Variants in SLC14A2 observed in about 807,000 individuals in gnomAD.
SLC14A2 encodes the protein solute carrier family 14 member 2.
SLC14A2 carries 91 observed loss-of-function variants against 104.6 expected under a neutral mutation model. The observed-to-expected ratio is 0.87, with a 90% CI of 0.73 to 1.04. The LOEUF (loss-of-function observed/expected upper bound fraction) is 1.04, where lower values mean the gene tolerates loss of function less well. SLC14A2 is among the 50% of genes least tolerant of loss of function. The pLI is 0.00. For synonymous variants in SLC14A2, 476 were observed against 466.4 expected (o/e 1.02, Z -0.27); for missense variants, 1,189 against 1,156.0 (o/e 1.03, Z -0.41).
chr18:45,217,091 T>C (rs2084017565), intron 1 of SLC14A2, among the ~76,000 whole-genome samples: 1 of 151,984 alleles, frequency 6.6e-6, no homozygotes. Flanking sequence ...TCTCTGTAGA[T>C]TCAAAACCCA....
intron 1 of SLC14A2, among the ~76,000 whole-genome samples, chr18:45,426,734 T>C (rs201164700): frequency 6.5e-4 from 75 of 115,884 alleles, no homozygotes; most frequent in African/African-American, 5.3e-4. Context: ...CACACACACA[T>C]ACATACACGC....
chr18:45,546,440 T>C (rs149281352), intron 2 of SLC14A2, among the ~76,000 whole-genome samples: 2 of 152,324 alleles, frequency 1.3e-5, no homozygotes, highest in African/African-American at 2.4e-5. Flanking sequence ...CGAAATTGAA[T>C]CTCTAGAGAC....
chr18:45,428,541 C>T (rs186947068), intron 1 of SLC14A2, among the ~76,000 whole-genome samples: 133 of 152,266 alleles, frequency 8.7e-4, no homozygotes, highest in East Asian at 1.2e-3. Context: ...TCCTTGAGGA[C>T]TGAAGAGGAG....
intron 2 of SLC14A2, among the ~76,000 whole-genome samples, chr18:45,506,405 G>T (rs1437853593): frequency 6.6e-6 from 1 of 152,116 alleles, no homozygotes; most frequent in Non-Finnish European, 1.5e-5. Context: ...AGCTGTAGTG[G>T]GTTGAATCGT....
chr18:45,643,106 C>T (rs982224993), intron 8 of SLC14A2, 26 bp from the exon 9 acceptor site: 2 of 1,613,444 alleles, frequency 1.2e-6, no homozygotes, highest in African/African-American at 2.7e-5. Flanking sequence ...GGGAAGCTCA[C>T]TCTGGTGATC....
In SLC14A2 at chr18:45,654,424, G is replaced by A. The variant is rs143425937; in HGVS notation, c.1352-9361G>A. On this transcript the variant is annotated intron_variant, in intron 10 of 19. Coordinates refer to ENST00000255226, the MANE Select transcript of SLC14A2 (RefSeq NM_007163.4). ...CGATGATCTAGATTCCTCCTACTGC[G>A]TGCAGGAAATCAAAAGGAGCCCAGG... 6.9e-3 allele frequency among the ~76,000 whole-genome samples: 1,056 copies of A among 152,228 alleles called. 11 individuals carry two copies. The highest frequency in any genetic ancestry group is 0.024 in the African/African-American group (1,007 of 41,512).
intron 10 of SLC14A2, among the ~76,000 whole-genome samples, chr18:45,654,144 GAC>G (rs1599128286): frequency 2.6e-5 from 4 of 151,308 alleles, no homozygotes; most frequent in South Asian, 2.1e-4. Flanking sequence ...TGCTGGGGGG[GAC>G]GTGGGTGAGC....
intron 2 of SLC14A2, among the ~76,000 whole-genome samples, chr18:45,552,432 AC>A (rs1356026105): frequency 1.1e-5 from 1 of 90,914 alleles, no homozygotes; most frequent in Non-Finnish European, 2.4e-5. Context: ...TTGCTCTCCC[AC>A]CCCCCAACCC....
At chr18:45,285,276 A>T (rs772896943) in intron 1 of SLC14A2, among the ~76,000 whole-genome samples, 2 of 152,172 alleles carry the variant, frequency 1.3e-5, no homozygotes, top group Non-Finnish European at 1.5e-5. Context: ...TTATTTTTTG[A>T]TATAAAAAAC....
chr18:45,666,290 G>GA (rs2046022835), intron 12 of SLC14A2, 71 bp downstream of exon 12: 8 of 1,035,124 alleles, frequency 7.7e-6, no homozygotes, highest in Non-Finnish European at 1.2e-5. Flanking sequence ...TGAGGGAGCT[G>GA]AGAGCTGTAA....
At chr18:45,668,503 G>T (rs1316175432) in intron 15 of SLC14A2, 26 bp downstream of exon 15, 1 of 1,613,342 alleles carries the variant, frequency 6.2e-7, no homozygotes, top group African/African-American at 1.3e-5. Context: ...AAGGGTTGTG[G>T]GTTCATATCA....
chr18:45,382,399 G>A (rs1021062874), intron 1 of SLC14A2, among the ~76,000 whole-genome samples: 1 of 152,124 alleles, frequency 6.6e-6, no homozygotes, highest in African/African-American at 2.4e-5. Flanking sequence ...AGGACAATGG[G>A]ATTTTATTCT....
At chr18:45,506,317 C>T (rs977940057) in intron 2 of SLC14A2, among the ~76,000 whole-genome samples, 1 of 152,180 alleles carries the variant, frequency 6.6e-6, no homozygotes, top group African/African-American at 2.4e-5. Context: ...TTCTAGTTGT[C>T]CAGTTAGCCT....
At chr18:45,419,393 C>T (rs1444764153) in intron 1 of SLC14A2, among the ~76,000 whole-genome samples, 2 of 152,220 alleles carry the variant, frequency 1.3e-5, no homozygotes, top group Non-Finnish European at 2.9e-5. Context: ...CCCCTTCACT[C>T]TTCCTTACTC....
intron 2 of SLC14A2, chr18:45,528,470 C>G (rs896637401): frequency 1.3e-5 from 2 of 152,104 alleles, no homozygotes; most frequent in African/African-American, 4.8e-5. Flanking sequence ...GGGGCACTCA[C>G]CCCACAGGGT....
intron 1 of SLC14A2, among the ~76,000 whole-genome samples, chr18:45,453,821 A>G (rs1171331493): frequency 1.3e-5 from 2 of 148,890 alleles, no homozygotes; most frequent in African/African-American, 4.9e-5. Flanking sequence ...TTCCCATAGC[A>G]AGTTCCGCTT....
rs554375891 is a variant in SLC14A2, at chr18:45,575,290, T to C, written c.-34-49341T>C. 1.9e-4 allele frequency among the ~76,000 whole-genome samples: 29 copies of C among 152,262 alleles called. 1 individual carries two copies. The Middle Eastern group carries it at 0.014, about 71-fold the overall frequency. On this transcript the variant is annotated intron_variant, in intron 2 of 20. Transcript: ENST00000586448. ...ACTGTCAGGTAGCCCCCTCCCTCCA[T>C]GCCCCTGTCTTTCTCCCCATGTTAT...
At chr18:45,591,252 A>G (rs1360921226) in intron 2 of SLC14A2, among the ~76,000 whole-genome samples, 1 of 152,244 alleles carries the variant, frequency 6.6e-6, no homozygotes, top group Non-Finnish European at 1.5e-5. Context: ...TGTAATGGGC[A>G]TACACATACC....
chr18:45,610,626 T>G (rs1369780235), upstream of SLC14A2, among the ~76,000 whole-genome samples: 1 of 152,196 alleles, frequency 6.6e-6, no homozygotes, highest in East Asian at 1.9e-4. Flanking sequence ...AAGGAACCCC[T>G]GTCTCCTGGT....
Sources: gnomAD v4.1 joint callset for allele counts (sites outside exome capture counted in the v4.1 genomes callset) on GRCh38, gnomAD v4.1.1 for gene constraint, MANE v1.5 for transcripts, NCBI Gene and HGNC (gene_info 2026-07-23, HGNC 2026-07-21) for gene names.